Variants in IGF1 observed in about 807,000 individuals in gnomAD.
The protein encoded by IGF1 is insulin-like growth factor 1.
IGF1 carries 4 observed loss-of-function variants against 13.8 expected under a neutral mutation model. That is an observed-to-expected ratio of 0.29 (90% CI 0.14 to 0.66). The LOEUF (loss-of-function observed/expected upper bound fraction) is 0.66, where lower values mean the gene tolerates loss of function less well. IGF1 is among the 30% of genes least tolerant of loss of function. The pLI, the probability that IGF1 is intolerant of heterozygous loss-of-function variation, is 0.78. For synonymous variants in IGF1, 76 were observed against 72.6 expected (o/e 1.05, Z -0.23); for missense variants, 124 against 188.5 (o/e 0.66, Z 2.00).
intron 2 of IGF1, among the ~76,000 whole-genome samples, chr12:102,447,478 C>T (rs971493750): frequency 1.4e-4 from 22 of 151,870 alleles, no homozygotes; most frequent in African/African-American, 5.3e-4. Flanking sequence ...ACCATTATGT[C>T]ATTCTTTGTC....
intron 2 of IGF1, among the ~76,000 whole-genome samples, chr12:102,435,035 C>T (rs1877102769): frequency 6.6e-6 from 1 of 152,074 alleles, no homozygotes; most frequent in African/African-American, 2.4e-5. Context: ...AAAAATAATA[C>T]ACATTTTTAA....
At chr12:102,435,403 C>T (rs1055727610) in intron 2 of IGF1, among the ~76,000 whole-genome samples, 1 of 152,184 alleles carries the variant, frequency 6.6e-6, no homozygotes, top group Non-Finnish European at 1.5e-5. Context: ...ACAGGATACG[C>T]AGGTTACACA....
chr12:102,476,410 T>TGAGAGAGAGA (rs36047405), intron 1 of IGF1, among the ~76,000 whole-genome samples: 5,140 of 139,012 alleles, frequency 0.037, 155 homozygotes, highest in African/African-American at 0.062. Flanking sequence ...TTCCTCAATA[T>TGAGAGAGAGA]GAGAGAGAGA....
intron 3 of IGF1, among the ~76,000 whole-genome samples, chr12:102,411,541 G>A (rs190908984): frequency 6.6e-6 from 1 of 152,250 alleles, no homozygotes; most frequent in Admixed American, 6.5e-5. Context: ...ATCCCAGCTT[G>A]GAAGCTTGGA....
Position 102,419,707 on chromosome 12 carries a change from G to C in IGF1, c.221-17C>G. The C allele has an allele frequency of 6.2e-7, 1 of 1,609,992 alleles. No individual in the cohort carries two copies. The highest frequency in any genetic ancestry group is 8.5e-7 in the Non-Finnish European group (1 of 1,179,894). On this transcript the variant is annotated splice_polypyrimidine_tract_variant and intron_variant, in intron 2 of 3. Transcript: ENST00000337514. ...TGGGCTTGTCTGCACAAATCAAACA[G>C]AGTGGCCTCATGTTAGGGTGCAATC...
chr12:102,419,107 T>C (rs1245228103), intron 3 of IGF1, among the ~76,000 whole-genome samples: 1 of 152,226 alleles, frequency 6.6e-6, no homozygotes, highest in African/African-American at 2.4e-5. Context: ...AGTATATGCA[T>C]GAGCTACTTA....
intron 2 of IGF1, among the ~76,000 whole-genome samples, chr12:102,452,125 G>C (rs1009742082): frequency 7.9e-5 from 12 of 151,726 alleles, no homozygotes; most frequent in Admixed American, 3.9e-4. Flanking sequence ...AGCCGGGCGT[G>C]GTAGCGGGCG....
chr12:102,417,419 A>G (rs1344181915), intron 3 of IGF1: 13 of 446,524 alleles, frequency 2.9e-5, no homozygotes, highest in Non-Finnish European at 3.9e-5. Flanking sequence ...TTAACTCTGA[A>G]CATATATTGA....
intron 2 of IGF1, among the ~76,000 whole-genome samples, chr12:102,439,299 T>C (rs994538431): frequency 4.6e-5 from 7 of 152,204 alleles, no homozygotes; most frequent in South Asian, 2.1e-4. Context: ...CTCGGATTGA[T>C]ACAAAATTGA....
intron 2 of IGF1, among the ~76,000 whole-genome samples, chr12:102,440,523 G>A (rs925654031): frequency 1.3e-5 from 2 of 152,142 alleles, no homozygotes; most frequent in African/African-American, 2.4e-5. Flanking sequence ...CTTTTTCCAC[G>A]GGACTAAAAT....
At chr12:102,437,770 A>G (rs1162588404) in intron 2 of IGF1, among the ~76,000 whole-genome samples, 2 of 152,208 alleles carry the variant, frequency 1.3e-5, no homozygotes, top group Admixed American at 1.3e-4. Flanking sequence ...AAAAGAGGAT[A>G]TTGAATGTTC....
intron 2 of IGF1, among the ~76,000 whole-genome samples, chr12:102,451,696 A>G (rs540256521): frequency 6.6e-6 from 1 of 152,328 alleles, no homozygotes; most frequent in East Asian, 1.9e-4. Flanking sequence ...GGCACTGGCC[A>G]TGTTCACCTT....
At chr12:102,481,393 CAGAG>C (rs1881387539), upstream of IGF1, among the ~76,000 whole-genome samples, 2 of 138,368 alleles carry the variant, frequency 1.4e-5, no homozygotes, top group African/African-American at 5.4e-5. Flanking sequence ...GTGTGTATGA[CAGAG>C]GGAGTCTGTG....
At chr12:102,414,481 G>A (rs1874911137) in intron 3 of IGF1, among the ~76,000 whole-genome samples, 1 of 152,136 alleles carries the variant, frequency 6.6e-6, no homozygotes, top group African/African-American at 2.4e-5. Flanking sequence ...GGATGCAGCG[G>A]CAGGATCTCG....
intron 2 of IGF1, among the ~76,000 whole-genome samples, chr12:102,468,794 G>C (rs1434041435): frequency 5.3e-5 from 8 of 152,228 alleles, no homozygotes; most frequent in Non-Finnish European, 2.9e-5. Flanking sequence ...AAGATGTCTG[G>C]CTGCACAAAA....
chr12:102,447,882 A>G (rs1878495920), intron 2 of IGF1, among the ~76,000 whole-genome samples: 1 of 152,244 alleles, frequency 6.6e-6, no homozygotes, highest in Non-Finnish European at 1.5e-5. Context: ...CCTGACTAAA[A>G]CACCAATAGC....
chr12:102,477,808 A>G (rs569961274), intron 1 of IGF1, among the ~76,000 whole-genome samples: 1 of 152,266 alleles, frequency 6.6e-6, no homozygotes, highest in African/African-American at 2.4e-5. Flanking sequence ...GATGCCTTCA[A>G]GTTCTTCAGT....
At chr12:102,439,014 T>G (rs993221802) in intron 2 of IGF1, among the ~76,000 whole-genome samples, 11 of 152,258 alleles carry the variant, frequency 7.2e-5, no homozygotes, top group Non-Finnish European at 1.0e-4. Context: ...GTGGGATCTA[T>G]GAAGCCAGTA....
intron 1 of IGF1, among the ~76,000 whole-genome samples, chr12:102,478,898 C>G: frequency 6.6e-6 from 1 of 152,176 alleles, no homozygotes; most frequent in East Asian, 1.9e-4. Context: ...GGGCAGGACA[C>G]CTTTACCCAC....
Sources: gnomAD v4.1 joint callset for allele counts (sites outside exome capture counted in the v4.1 genomes callset) on GRCh38, gnomAD v4.1.1 for gene constraint, MANE v1.5 for transcripts, NCBI Gene and HGNC (gene_info 2026-07-23, HGNC 2026-07-21) for gene names.